The following CXCR4 variants were observed in gnomAD, a reference collection of about 807,000 sequenced individuals.
CXCR4 encodes C-X-C motif chemokine receptor 4, also known as C-X-C chemokine receptor type 4.
Under a neutral mutation model 22.4 loss-of-function variants are expected in CXCR4, and 6 were observed. That is an observed-to-expected ratio of 0.27 (90% confidence interval 0.15 to 0.53). The LOEUF (loss-of-function observed/expected upper bound fraction) is 0.53. Ranked by LOEUF, CXCR4 falls within the 20% of genes least tolerant of loss-of-function variation. CXCR4 has a pLI of 0.96. For synonymous variants in CXCR4, 155 were observed against 171.7 expected, an observed-to-expected ratio of 0.90 and a Z score of 0.76; for missense variants, 300 against 430.4, an observed-to-expected ratio of 0.70 and a Z score of 2.68.
At chr2:136,117,869 T>TCCCTCCCCCCCCCC in intron 1 of CXCR4, 177 bp downstream of exon 1, 1 of 170,812 alleles carries the variant, frequency 5.9e-6, no homozygotes, top group Non-Finnish European at 1.2e-5. Flanking sequence ...CCAATCCTGC[T>TCCCTCCCCCCCCCC]CCCCCCCCAC....
Position 136,115,370 on chromosome 2 carries a change from A to G in CXCR4, c.558T>C (p.Cys186=), listed in dbSNP as rs1163768083. Residue 186 remains cysteine, a synonymous_variant, in exon 2 of 2, where the codon TGT becomes TGC. Transcript: ENST00000241393. This position sits in a 1 kb window ranked among gnomAD's most constrained non-coding sequence, Gnocchi z 6.4. ...NVSEADDRYI[C]DRFYPNDLWV... Reference sequence around the variant, plus strand: ...ACAAGTCATTGGGGTAGAAGCGGTCACAGATATATCTGTCATCTGCCTCAC... The same window carrying G: ...ACAAGTCATTGGGGTAGAAGCGGTCGCAGATATATCTGTCATCTGCCTCAC... The G allele has an allele frequency of 6.2e-7, 1 of 1,614,238 alleles. No homozygotes were observed. The highest frequency in any genetic ancestry group is 8.5e-7 in the Non-Finnish European group (1 of 1,180,050).
At position 136,117,997 on chromosome 2, in the gene CXCR4, G is replaced by A. The variant is rs1183518013; in HGVS notation, c.15+49C>T. The A allele has an allele frequency of 5.0e-6, 8 of 1,603,816 alleles. No individual in the cohort carries two copies. The Admixed American group carries it at 6.7e-5, about 13-fold the overall frequency. ...CGCTCGGAGAGGGGCTGCGCTCTAA[G>A]TTCAAACGTTTGTACATTTATGACA... On this transcript the variant is annotated intron_variant, in intron 1 of 1. Transcript: ENST00000241393.
Position 136,114,936 on chromosome 2 carries a change from T to C in CXCR4, c.992A>G (p.Lys331Arg). ...SRGSSLKILS[K>R]GKRGGHSSVS... ...AGATGAATGTCCACCTCGCTTTCCTTTGGAGAGGATCTTGAGGCTGGACCC... is the reference window on the plus strand; with the variant it reads ...AGATGAATGTCCACCTCGCTTTCCTCTGGAGAGGATCTTGAGGCTGGACCC... Residue 331 changes from lysine (K) to arginine (R), a missense_variant, in exon 2 of 2, where the codon AAA (lysine) becomes AGA (arginine). Coordinates refer to ENST00000241393, the MANE Select transcript of CXCR4 (RefSeq NM_003467.3). The C allele has an allele frequency of 1.2e-6, 2 of 1,613,160 alleles. No homozygotes were observed. Among genetic ancestry groups the C allele is most frequent in the Non-Finnish European group, 1.7e-6 (2 of 1,179,498 alleles).
At chr2:136,117,780 G>T (rs1684956734) in intron 1 of CXCR4, 4 of 467,704 alleles carry the variant, frequency 8.6e-6, no homozygotes, top group Non-Finnish European at 1.5e-5. Context: ...CGCGCGCGGC[G>T]GGACTCAAGG....
rs1205711733 is a variant in CXCR4 at position 136,118,073 on chromosome 2, T to C, written c.-13A>G. On this transcript the variant is annotated 5_prime_UTR_variant, in exon 1 of 2. Coordinates refer to ENST00000241393, the MANE Select transcript of CXCR4 (RefSeq NM_003467.3). Reference sequence around the variant, plus strand: ...TGATCCCCTCCATGGTAACCGCTGGTTCTCCAGATGCGGTGGCTACTGGAG... The same window carrying C: ...TGATCCCCTCCATGGTAACCGCTGGCTCTCCAGATGCGGTGGCTACTGGAG... 5.0e-6 allele frequency: 8 copies of C among 1,613,626 alleles called. No homozygotes were observed. The highest frequency in any genetic ancestry group is 5.1e-6 in the Non-Finnish European group (6 of 1,179,756).
At chr2:136,117,878 A>ACCCCCCCCCCCC in intron 1 of CXCR4, 168 bp downstream of exon 1, 1 of 113,486 alleles carries the variant, frequency 8.8e-6, no homozygotes, top group South Asian at 8.2e-5. Flanking sequence ...CTCCCCCCCC[A>ACCCCCCCCCCCC]CCCACCCGCA....
At position 136,115,010 on chromosome 2, in the gene CXCR4, T is replaced by C. The variant is rs1177783882; in HGVS notation, c.918A>G (p.Gly306=). ...GCTGGGCAGAGGTTTTAAATTTGGC[T>C]CCAAGGAAAGCATAGAGGATGGGGT... ...CLNPILYAFL[G]AKFKTSAQHA... Residue 306 remains glycine (G), a synonymous_variant, in exon 2 of 2, where the codon GGA becomes GGG. Coordinates refer to ENST00000241393, the MANE Select transcript of CXCR4 (RefSeq NM_003467.3). This position sits in a 1 kb window ranked among gnomAD's most constrained non-coding sequence, Gnocchi z 6.4. 6.2e-7 allele frequency: 1 copy of C among 1,614,050 alleles called. No individual in the cohort carries two copies. Among genetic ancestry groups the C allele is most frequent in the East Asian group, 2.2e-5 (1 of 44,878 alleles).
At chr2:136,116,473 A>C (rs2104919303) in intron 1 of CXCR4, among the ~76,000 whole-genome samples, 1 of 152,218 alleles carries the variant, frequency 6.6e-6, no homozygotes, top group Admixed American at 6.5e-5. Context: ...CCTAAATACA[A>C]ACCATTCTGG....
intron 1 of CXCR4, 176 bp downstream of exon 1, chr2:136,117,869 TC>T (rs1215777668): frequency 2.9e-5 from 5 of 175,228 alleles, no homozygotes; most frequent in African/African-American, 8.1e-5. Flanking sequence ...CCAATCCTGC[TC>T]CCCCCCCACC....
Position 136,115,246 on chromosome 2 carries a change from G to A in CXCR4, c.682C>T (p.His228Tyr). The change falls in exon 2 of 2, where the codon CAC becomes TAC. Residue 228 changes from histidine to tyrosine, a missense_variant. Coordinates refer to ENST00000241393, the MANE Select transcript of CXCR4 (RefSeq NM_003467.3). This position sits in a 1 kb window ranked among gnomAD's most constrained non-coding sequence, Gnocchi z 6.4. The stretch of plus-strand genomic sequence containing the variant: ...TTGCGCTTCTGGTGGCCCTTGGAGT[G>A]TGACAGCTTGGAGATGATAATGCAA... ...CYCIIISKLS[H>Y]SKGHQKRKAL... 1.2e-6 allele frequency: 2 copies of A among 1,614,144 alleles called. No individual in the cohort carries two copies. Among genetic ancestry groups the A allele is most frequent in the East Asian group, 2.2e-5 (1 of 44,888 alleles).
At position 136,115,649 on chromosome 2, in the gene CXCR4, G is replaced by A; in HGVS notation, c.279C>T (p.Phe93=). The A allele has an allele frequency of 1.9e-6, 3 of 1,614,210 alleles. No homozygotes were observed. Among genetic ancestry groups the A allele is most frequent in the Non-Finnish European group, 2.5e-6 (3 of 1,180,030 alleles). Residue 93 remains phenylalanine, a synonymous_variant, in exon 2 of 2, where the codon TTC becomes TTT. Transcript: ENST00000241393. This position sits in a 1 kb window ranked among gnomAD's most constrained non-coding sequence, Gnocchi z 6.4. ...ADLLFVITLP[F]WAVDAVANWY... The stretch of plus-strand genomic sequence containing the variant: ...AGTTTGCCACGGCATCAACTGCCCA[G>A]AAGGGAAGCGTGATGACAAAGAGGA...
At position 136,115,243 on chromosome 2, in the gene CXCR4, A is replaced by T. The variant is rs772992625; in HGVS notation, c.685T>A (p.Ser229Thr). 2.0e-5 allele frequency: 32 copies of T among 1,614,022 alleles called. No individual in the cohort carries two copies. The East Asian group carries it at 6.2e-4, about 31-fold the overall frequency. Residue 229 changes from serine to threonine, a missense_variant, in exon 2 of 2, where the codon TCC (serine) becomes ACC (threonine). Around this residue, in one of 3 missense-constraint regions of CXCR4, gnomAD observed 137 missense variants for 153.2 expected, o/e 0.89. Transcript: ENST00000241393. This position sits in a 1 kb window ranked among gnomAD's most constrained non-coding sequence, Gnocchi z 6.4. ...YCIIISKLSHSKGHQKRKALK... is the reference protein window; with the variant it reads ...YCIIISKLSHTKGHQKRKALK... ...GCCTTGCGCTTCTGGTGGCCCTTGGAGTGTGACAGCTTGGAGATGATAATG... is the reference window on the plus strand; with the variant it reads ...GCCTTGCGCTTCTGGTGGCCCTTGGTGTGTGACAGCTTGGAGATGATAATG...
At chr2:136,117,166 G>A (rs1449483703) in intron 1 of CXCR4, among the ~76,000 whole-genome samples, 2 of 152,120 alleles carry the variant, frequency 1.3e-5, no homozygotes, top group Non-Finnish European at 2.9e-5. Context: ...GCCCAGGTGC[G>A]GTCTTAACCG....
At chr2:136,117,317 G>A (rs1684926573) in intron 1 of CXCR4, among the ~76,000 whole-genome samples, 2 of 150,654 alleles carry the variant, frequency 1.3e-5, no homozygotes, top group South Asian at 4.2e-4. Context: ...GGACCCACTC[G>A]CGGCCGTGGG....
In CXCR4 at chr2:136,115,861, AG is replaced by A; in HGVS notation, c.66del (p.Ser23ProfsTer2). The A allele has an allele frequency of 6.2e-7, 1 of 1,614,184 alleles. No individual in the cohort carries two copies. The highest frequency in any genetic ancestry group is 8.5e-7 in the Non-Finnish European group (1 of 1,180,030). ...TCACGGAAACAGGGTTCCTTCATGG[AG>A]TCATAGTCCCCTGAGCCCATTTCCT... is the stretch of plus-strand genomic sequence containing the variant. Reference protein sequence around the residue: ...YTEEMGSGDYDSMKEPCFREE... With the variant: ...YTEEMGSGDYXSMKEPCFREE... On this transcript the variant is annotated frameshift_variant, in exon 2 of 2. Transcript: ENST00000241393. LOFTEE classifies it high-confidence loss of function. The surrounding 1 kb of genome is among the most constrained non-coding windows in gnomAD (Gnocchi z 6.4).
rs1684968528 is a variant in CXCR4 at position 136,118,049 on chromosome 2, G to A, written c.12C>T (p.Ile4=). The change falls in exon 1 of 2, where the codon ATC becomes ATT. Residue 4 remains isoleucine (I), a synonymous_variant. Transcript: ENST00000241393. ...AGCAGGTTGAAACTGGACTTACACT[G>A]ATCCCCTCCATGGTAACCGCTGGTT... The part of the protein sequence containing the change: MEG[I]SIYTSDNYTE... 3 of 1,613,778 alleles carry A rather than the reference G, an allele frequency of 1.9e-6. No homozygotes were observed. The East Asian group carries it at 6.7e-5, about 36-fold the overall frequency.
rs2104917586 is a variant in CXCR4 at position 136,115,465 on chromosome 2, C to G, written c.463G>C (p.Val155Leu). ...GGGATCCAGACGCCAACATAGACCA[C>G]CTTTTCAGCCAACAGCTTCCTTGGC... Reference protein sequence around the residue: ...QRPRKLLAEKVVYVGVWIPAL... With the variant: ...QRPRKLLAEKLVYVGVWIPAL... The change falls in exon 2 of 2, where the codon GTG becomes CTG. Residue 155 changes from valine to leucine, a missense_variant. Physicochemically the swap from Val to Leu is conservative, Grantham distance 32. Coordinates refer to ENST00000241393, the MANE Select transcript of CXCR4 (RefSeq NM_003467.3). This position sits in a 1 kb window ranked among gnomAD's most constrained non-coding sequence, Gnocchi z 6.4. 6.2e-7 allele frequency: 1 copy of G among 1,614,170 alleles called. No individual in the cohort carries two copies. The highest frequency in any genetic ancestry group is 8.5e-7 in the Non-Finnish European group (1 of 1,180,024).
intron 1 of CXCR4, chr2:136,117,716 T>G: frequency 3.7e-6 from 1 of 269,918 alleles, no homozygotes; most frequent in Non-Finnish European, 7.1e-6. Flanking sequence ...GCGCACGCCT[T>G]CTCTGCACTT....
Position 136,115,673 on chromosome 2 carries a change from G to T in CXCR4, c.255C>A (p.Leu85=). The part of the protein sequence containing the change: ...KYRLHLSVAD[L]LFVITLPFWA... ...AGAAGGGAAGCGTGATGACAAAGAG[G>T]AGGTCGGCCACTGACAGGTGCAGCC... Residue 85 remains leucine, a synonymous_variant, in exon 2 of 2, where the codon CTC becomes CTA. Transcript: ENST00000241393. The surrounding 1 kb of genome is among the most constrained non-coding windows in gnomAD (Gnocchi z 6.4). 1 of 1,614,212 alleles carries T rather than the reference G, an allele frequency of 6.2e-7. No individual in the cohort carries two copies. The highest frequency in any genetic ancestry group is 1.1e-5 in the South Asian group (1 of 91,090).
Sources: gnomAD v4.1 joint callset for allele counts (sites outside exome capture counted in the v4.1 genomes callset) on GRCh38, gnomAD v4.1.1 for gene constraint, gnomAD v4.1.1 regional missense constraint, Gnocchi (gnomAD v3.1) non-coding constraint, MANE v1.5 for transcripts, NCBI Gene and HGNC (gene_info 2026-07-23, HGNC 2026-07-21) for gene names.